Variants in IFT43 observed in about 807,000 individuals in gnomAD.
The protein encoded by IFT43 is intraflagellar transport 43, also known as intraflagellar transport protein 43 homolog.
IFT43 carries 33 observed loss-of-function variants against 32.3 expected under a neutral mutation model. The observed-to-expected ratio is 1.02, with a 90% CI of 0.77 to 1.37. IFT43 has a LOEUF of 1.37. Among genes scored for constraint, IFT43 ranks in the 40% most tolerant of loss-of-function variants. The pLI is 0.00. For synonymous variants in IFT43, 93 were observed against 98.2 expected, an observed-to-expected ratio of 0.95 and a Z score of 0.31; for missense variants, 274 against 265.9, an observed-to-expected ratio of 1.03 and a Z score of -0.21.
chr14:76,012,442 C>G (rs1241963637), intron 2 of IFT43, among the ~76,000 whole-genome samples: 2 of 152,238 alleles, frequency 1.3e-5, no homozygotes, highest in Admixed American at 6.5e-5. Flanking sequence ...AATTCCCGCT[C>G]TCTGCCTCTC....
At chr14:76,041,224 A>AATG (rs1172886031) in intron 3 of IFT43, among the ~76,000 whole-genome samples, 1 of 152,244 alleles carries the variant, frequency 6.6e-6, no homozygotes, top group Non-Finnish European at 1.5e-5. Context: ...GTTTTGCAGA[A>AATG]ATGAAAATGC....
At chr14:76,038,609 A>AT (rs1436347430) in intron 3 of IFT43, among the ~76,000 whole-genome samples, 1 of 152,180 alleles carries the variant, frequency 6.6e-6, no homozygotes, top group Admixed American at 6.5e-5. Flanking sequence ...ATTTTGAAAA[A>AT]TTGGGATTCA....
At chr14:76,033,740 A>C (rs911375262) in intron 3 of IFT43, among the ~76,000 whole-genome samples, 2 of 152,206 alleles carry the variant, frequency 1.3e-5, no homozygotes, top group African/African-American at 4.8e-5. Flanking sequence ...CCAGAGTGGA[A>C]GATATACTTC....
At chr14:76,065,838 T>C (rs1374786574) in intron 5 of IFT43, among the ~76,000 whole-genome samples, 1 of 152,224 alleles carries the variant, frequency 6.6e-6, no homozygotes, top group Non-Finnish European at 1.5e-5. Flanking sequence ...CAGGCTGGCC[T>C]CAAACTCCTG....
At chr14:76,034,348 A>G (rs576099282) in intron 3 of IFT43, among the ~76,000 whole-genome samples, 1 of 152,270 alleles carries the variant, frequency 6.6e-6, no homozygotes, top group African/African-American at 2.4e-5. Context: ...CCTTGTCCCC[A>G]TCATGAGGGC....
intron 3 of IFT43, among the ~76,000 whole-genome samples, chr14:76,022,814 G>A (rs2036319665): frequency 6.6e-6 from 1 of 152,152 alleles, no homozygotes; most frequent in African/African-American, 2.4e-5. Flanking sequence ...TATCCATGTT[G>A]TAGCATTCTG....
At chr14:76,083,371 C>G in intron 8 of IFT43, 82 bp downstream of exon 8, 1 of 1,613,358 alleles carries the variant, frequency 6.2e-7, no homozygotes, top group Non-Finnish European at 8.5e-7. Context: ...CCTGTGCCTC[C>G]CTGAGGCCTG....
chr14:75,999,281 A>ATATTT (rs1566699821), intron 2 of IFT43, among the ~76,000 whole-genome samples: 58 of 39,030 alleles, frequency 1.5e-3, no homozygotes, highest in South Asian at 3.8e-3. Flanking sequence ...ATGTATATAT[A>ATATTT]TTTTTTTTTT....
chr14:76,020,775 C>A (rs2139952170), intron 2 of IFT43, among the ~76,000 whole-genome samples: 1 of 152,224 alleles, frequency 6.6e-6, no homozygotes, highest in Non-Finnish European at 1.5e-5. Flanking sequence ...ATGCTAGTCC[C>A]TGGGCCCCCC....
rs749663765 is a variant in IFT43 at position 76,082,348 on chromosome 14, C to A, written c.349C>A (p.Gln117Lys). Residue 117 changes from glutamine (Q) to lysine (K), a missense_variant, in exon 6 of 9, where the codon CAG becomes AAG. Physicochemically the swap from Gln to Lys is moderately conservative, Grantham distance 53. Coordinates refer to ENST00000314067, the MANE Select transcript of IFT43 (RefSeq NM_001102564.3). ...AGTACAGGAAGAAGACTTTGTTTTG[C>A]AGGTGGCAGCCCCTCCCAGGTAGGT... is the stretch of plus-strand genomic sequence containing the variant. ...EEVQEEDFVL[Q>K]VAAPPSIQIK... 1.4e-5 allele frequency: 22 copies of A among 1,611,384 alleles called. No individual in the cohort carries two copies. The highest frequency in any genetic ancestry group is 1.9e-5 in the Non-Finnish European group (22 of 1,177,442).
At chr14:76,022,163 A>G (rs961306264) in intron 2 of IFT43, 164 bp from the exon 3 acceptor site, 5 of 159,406 alleles carry the variant, frequency 3.1e-5, no homozygotes, top group African/African-American at 1.2e-4. Flanking sequence ...AGGCAGGAGA[A>G]TCGCTTGAAC....
intron 2 of IFT43, among the ~76,000 whole-genome samples, chr14:75,997,762 G>A (rs1406344495): frequency 6.6e-6 from 1 of 151,722 alleles, no homozygotes; most frequent in African/African-American, 2.4e-5. Flanking sequence ...TGGGGGTGGG[G>A]GTTGGGGGGA....
chr14:75,991,079 C>T (rs554533504), intron 2 of IFT43, among the ~76,000 whole-genome samples: 4 of 152,248 alleles, frequency 2.6e-5, no homozygotes, highest in African/African-American at 9.6e-5. Context: ...GCTTGTAACC[C>T]CTGTAACCCC....
rs1276749346 is a variant in IFT43 at position 76,083,219 on chromosome 14, A to C, written c.445-8A>C. 1 of 1,614,072 alleles carries C rather than the reference A, an allele frequency of 6.2e-7. No homozygotes were observed. The highest frequency in any genetic ancestry group is 8.5e-7 in the Non-Finnish European group (1 of 1,179,994). ...CTCAGCCTGACCTTTTTTTGTTTGC[A>C]TTCACAGGATGGGGAGATCGACCTG... On this transcript the variant is annotated splice_region_variant and splice_polypyrimidine_tract_variant and intron_variant, in intron 7 of 8. Coordinates refer to ENST00000314067, the MANE Select transcript of IFT43 (RefSeq NM_001102564.3).
intron 3 of IFT43, among the ~76,000 whole-genome samples, chr14:76,030,880 A>C (rs1321236718): frequency 6.6e-6 from 1 of 151,844 alleles, no homozygotes; most frequent in Non-Finnish European, 1.5e-5. Flanking sequence ...AAAATTGTAT[A>C]GAAAGATGTA....
At chr14:76,047,538 T>C (rs1284174907) in intron 3 of IFT43, among the ~76,000 whole-genome samples, 2 of 152,148 alleles carry the variant, frequency 1.3e-5, no homozygotes, top group Admixed American at 6.5e-5. Context: ...CTGTGGAAAG[T>C]TGTAGCAGGT....
intron 3 of IFT43, among the ~76,000 whole-genome samples, chr14:76,052,779 A>G (rs1483855477): frequency 6.6e-6 from 1 of 152,248 alleles, no homozygotes; most frequent in African/African-American, 2.4e-5. Context: ...CATGATGCAC[A>G]CTGTTGCGTT....
At chr14:76,033,541 G>T (rs776689404) in intron 3 of IFT43, among the ~76,000 whole-genome samples, 1 of 152,114 alleles carries the variant, frequency 6.6e-6, no homozygotes, top group Non-Finnish European at 1.5e-5. Context: ...TCTTCAAAGT[G>T]GGAAGACAGA....
At chr14:76,041,071 G>A (rs755475084) in intron 3 of IFT43, among the ~76,000 whole-genome samples, 1 of 152,254 alleles carries the variant, frequency 6.6e-6, no homozygotes, top group Non-Finnish European at 1.5e-5. Context: ...CTGAGAGCCT[G>A]CTCCCACCTT....
Sources: allele counts gnomAD v4.1 joint callset (sites outside exome capture counted in the v4.1 genomes callset), GRCh38; gene constraint gnomAD v4.1.1; transcripts MANE v1.5; gene names NCBI Gene and HGNC (gene_info 2026-07-23, HGNC 2026-07-21).